Variants in TBC1D19 observed in about 807,000 individuals in gnomAD.
TBC1D19 encodes the protein TBC1 domain family member 19.
A neutral mutation model predicts 89.0 loss-of-function variants in TBC1D19; 60 were observed. The observed-to-expected ratio is 0.67, with a 90% CI of 0.55 to 0.84. TBC1D19 has a LOEUF of 0.84. TBC1D19 is among the 40% of genes least tolerant of loss of function. The pLI, the probability that TBC1D19 is intolerant of heterozygous loss-of-function variation, is 0.00. For missense variants in TBC1D19, 500 were observed against 610.8 expected (o/e 0.82, Z 1.91); for synonymous variants, 189 against 199.7 (o/e 0.95, Z 0.45).
At chr4:26,679,700 C>A (rs1232281808) in intron 11 of TBC1D19, among the ~76,000 whole-genome samples, 2 of 152,216 alleles carry the variant, frequency 1.3e-5, no homozygotes, top group Non-Finnish European at 2.9e-5. Context: ...CAATGCCAGC[C>A]TGTGAAAGCA....
chr4:26,739,159 A>G (rs2109311979), intron 16 of TBC1D19, among the ~76,000 whole-genome samples: 1 of 152,298 alleles, frequency 6.6e-6, no homozygotes, highest in Middle Eastern at 3.4e-3. Context: ...TAGGTCGCCA[A>G]TCCAAGATTA....
the TBC1D19 span, among the ~76,000 whole-genome samples, chr4:26,832,537 C>G: frequency 2.0e-5 from 3 of 152,196 alleles, no homozygotes; most frequent in African/African-American, 7.2e-5. Flanking sequence ...ATTCTATCTT[C>G]CTGTTTAATG....
At chr4:26,613,555 C>T (rs1741504840) in intron 2 of TBC1D19, among the ~76,000 whole-genome samples, 1 of 152,114 alleles carries the variant, frequency 6.6e-6, no homozygotes, top group African/African-American at 2.4e-5. Context: ...TCCAATTACT[C>T]ATTCAAAATT....
At chr4:26,798,717 C>A in the TBC1D19 span, among the ~76,000 whole-genome samples, 3 of 151,858 alleles carry the variant, frequency 2.0e-5, no homozygotes, top group East Asian at 5.8e-4. Flanking sequence ...GAAATCATGT[C>A]TTTTGCAGCA....
At chr4:26,840,757 T>C in the TBC1D19 span, among the ~76,000 whole-genome samples, 1 of 152,198 alleles carries the variant, frequency 6.6e-6, no homozygotes, top group African/African-American at 2.4e-5. Context: ...TATCTTGAAA[T>C]TCTTACGTTA....
chr4:26,594,313 G>A (rs550344941), intron 1 of TBC1D19, among the ~76,000 whole-genome samples: 1 of 152,126 alleles, frequency 6.6e-6, no homozygotes, highest in East Asian at 1.9e-4. Context: ...ACACAGGAAG[G>A]GGAACATCAC....
At chr4:26,747,188 G>A (rs1718697720) in intron 18 of TBC1D19, among the ~76,000 whole-genome samples, 1 of 152,250 alleles carries the variant, frequency 6.6e-6, no homozygotes, top group Admixed American at 6.5e-5. Flanking sequence ...TTTCTAAAAA[G>A]CTATGCTATG....
At chr4:26,796,993 A>G in the TBC1D19 span, among the ~76,000 whole-genome samples, 70 of 152,212 alleles carry the variant, frequency 4.6e-4, 1 homozygote, top group Non-Finnish European at 2.1e-4. Flanking sequence ...TTATACCTCA[A>G]AAAAGCTATT....
In TBC1D19 at chr4:26,613,221, A is replaced by G. The variant is rs781024280; in HGVS notation, c.152A>G (p.Lys51Arg). The G allele has an allele frequency of 6.3e-7, 1 of 1,579,214 alleles. No homozygotes were observed. The highest frequency in any genetic ancestry group is 8.6e-7 in the Non-Finnish European group (1 of 1,159,550). ...IKLESLKEDI[K>R]EFFKISGWEK... ...CTTGAATCACTGAAAGAAGATATTA[A>G]GGAATTCTTTAAAATATCAGGTTTG... Residue 51 changes from lysine (K) to arginine (R), a missense_variant, in exon 2 of 21, where the codon AAG becomes AGG. This residue lies in a region of TBC1D19 where 280 missense variants were observed against 291.7 expected (regional missense o/e 0.96). Transcript: ENST00000264866.
chr4:26,833,491 TC>T, the TBC1D19 span, among the ~76,000 whole-genome samples: 2 of 152,296 alleles, frequency 1.3e-5, no homozygotes, highest in East Asian at 3.9e-4. Flanking sequence ...GCAACCACTG[TC>T]CCTATAGTTT....
intron 15 of TBC1D19, among the ~76,000 whole-genome samples, chr4:26,733,599 C>T (rs1402219388): frequency 6.6e-6 from 1 of 152,154 alleles, no homozygotes; most frequent in Non-Finnish European, 1.5e-5. Context: ...GGAGTTTCTA[C>T]TGATAATTCT....
intron 1 of TBC1D19, among the ~76,000 whole-genome samples, chr4:26,607,842 A>G (rs1279364685): frequency 6.6e-6 from 1 of 152,228 alleles, no homozygotes; most frequent in Admixed American, 6.5e-5. Flanking sequence ...TGATAAAGAT[A>G]TAATTCTACA....
chr4:26,674,420 C>A (rs1478741677), intron 11 of TBC1D19, among the ~76,000 whole-genome samples: 1 of 151,982 alleles, frequency 6.6e-6, no homozygotes, highest in Non-Finnish European at 1.5e-5. Flanking sequence ...TTAAATAAAG[C>A]AAAACTATGT....
chr4:26,696,950 TA>T (rs765339772), intron 13 of TBC1D19, among the ~76,000 whole-genome samples: 2 of 151,934 alleles, frequency 1.3e-5, no homozygotes, highest in Non-Finnish European at 2.9e-5. Context: ...TTAAAAGAAC[TA>T]GAGAAGCAAC....
chr4:26,806,172 T>C, the TBC1D19 span, among the ~76,000 whole-genome samples: 4 of 151,892 alleles, frequency 2.6e-5, no homozygotes, highest in Non-Finnish European at 5.9e-5. Flanking sequence ...TCTGGAACAC[T>C]TGCCTACCCC....
At chr4:26,687,161 G>T (rs1352204551) in intron 12 of TBC1D19, among the ~76,000 whole-genome samples, 1 of 152,126 alleles carries the variant, frequency 6.6e-6, no homozygotes, top group Non-Finnish European at 1.5e-5. Flanking sequence ...TACATGTAAG[G>T]TTTGGGATCT....
chr4:26,812,855 G>C, the TBC1D19 span, among the ~76,000 whole-genome samples: 1 of 151,470 alleles, frequency 6.6e-6, no homozygotes, highest in African/African-American at 2.4e-5. This position sits in a 1 kb window ranked among gnomAD's most constrained non-coding sequence, Gnocchi z 4.2. Flanking sequence ...TATACAATTT[G>C]ATAGTAAAAG....
At chr4:26,673,981 T>A in intron 11 of TBC1D19, 93 bp downstream of exon 11, 1 of 662,988 alleles carries the variant, frequency 1.5e-6, no homozygotes, top group Non-Finnish European at 2.5e-6. Flanking sequence ...TTTTGTTTCT[T>A]AATCTATTAT....
intron 13 of TBC1D19, among the ~76,000 whole-genome samples, chr4:26,715,738 G>C (rs1716554337): frequency 6.6e-6 from 1 of 151,998 alleles, no homozygotes; most frequent in Non-Finnish European, 1.5e-5. Context: ...GAGCAAAATA[G>C]CTCTCTCCAG....
Sources: gnomAD v4.1 joint callset for allele counts (sites outside exome capture counted in the v4.1 genomes callset) on GRCh38, gnomAD v4.1.1 for gene constraint, gnomAD v4.1.1 regional missense constraint, Gnocchi (gnomAD v3.1) non-coding constraint, MANE v1.5 for transcripts, NCBI Gene and HGNC (gene_info 2026-07-23, HGNC 2026-07-21) for gene names.